JPH2: variants seen among roughly 807,000 people sequenced by gnomAD.
The protein encoded by JPH2 is junctophilin 2, also known as junctophilin-2.
A neutral mutation model predicts 55.9 loss-of-function variants in JPH2; 38 were observed. The observed-to-expected ratio is 0.68, with a 90% CI of 0.52 to 0.89. JPH2 has a LOEUF of 0.89. Ranked by LOEUF, JPH2 falls within the 40% of genes least tolerant of loss-of-function variation. JPH2 has a pLI of 0.00. For missense variants in JPH2, 964 were observed against 1,037.6 expected, an observed-to-expected ratio of 0.93 and a Z score of 0.97; for synonymous variants, 480 against 472.4, an observed-to-expected ratio of 1.02 and a Z score of -0.21.
intron 2 of JPH2, among the ~76,000 whole-genome samples, chr20:44,143,246 G>C (rs759990896): frequency 1.4e-4 from 21 of 152,144 alleles, no homozygotes; most frequent in Non-Finnish European, 3.1e-4. Flanking sequence ...GGACTTGGGG[G>C]CCAAAGGAAG....
rs1040325203 is a variant in JPH2, at chr20:44,108,426, T to G, written c.*5092A>C. On this transcript the variant is annotated 3_prime_UTR_variant, in exon 6 of 6. Transcript: ENST00000372980. The stretch of plus-strand genomic sequence containing the variant: ...CCCCCTTGTTTGTAGCCAGTCAGTA[T>G]GAACTGATGGTGGCCCTGGAGATCC... Among the ~76,000 whole-genome samples the G allele has an allele frequency of 2.0e-5, 3 of 152,112 alleles. No homozygotes were observed. Among genetic ancestry groups the G allele is most frequent in the Admixed American group, 1.3e-4 (2 of 15,256 alleles).
chr20:44,165,971 T>G (rs2072653334), intron 1 of JPH2, among the ~76,000 whole-genome samples: 1 of 152,174 alleles, frequency 6.6e-6, no homozygotes, highest in African/African-American at 2.4e-5. Flanking sequence ...CTTTTTCTTG[T>G]GTTATTGACC....
chr20:44,179,247 A>C lies in JPH2; in HGVS notation c.379+7080T>G, dbSNP rs115698782. On this transcript the variant is annotated intron_variant, in intron 1 of 5. Coordinates refer to ENST00000372980, the MANE Select transcript of JPH2 (RefSeq NM_020433.5). Reference sequence around the variant, plus strand: ...GAAAATAGCAAGCATTGCACCTAGGAAGGGAAATCTTGTTCCATGACGGTT... The same window carrying C: ...GAAAATAGCAAGCATTGCACCTAGGCAGGGAAATCTTGTTCCATGACGGTT... Among the ~76,000 whole-genome samples, 223 of 152,328 alleles carry C rather than the reference A, an allele frequency of 1.5e-3. 2 individuals carry two copies. Among genetic ancestry groups the C allele is most frequent in the African/African-American group, 5.0e-3 (209 of 41,574 alleles).
At chr20:44,119,873 CAAAAAAAA>C (rs56808570) in intron 2 of JPH2, among the ~76,000 whole-genome samples, 3 of 121,466 alleles carry the variant, frequency 2.5e-5, no homozygotes, top group African/African-American at 3.1e-5. Flanking sequence ...GACTCCATCT[CAAAAAAAA>C]AAAAAAAAAA....
chr20:44,159,728 G>A lies in JPH2; in HGVS notation c.1059C>T (p.Arg353=). The part of the protein sequence containing the change: ...HNVLVKDTKR[R]MLQLKSNKVR... ...CCTTGTTGCTCTTGAGCTGCAGCAT[G>A]CGGCGCTTGGTGTCCTTGACCAGCA... Residue 353 remains arginine, a synonymous_variant, in exon 2 of 6, where the codon CGC becomes CGT. Transcript: ENST00000372980. The surrounding 1 kb of genome is among the most constrained non-coding windows in gnomAD (Gnocchi z 5.7). 6.2e-7 allele frequency: 1 copy of A among 1,613,684 alleles called. No homozygotes were observed. The highest frequency in any genetic ancestry group is 8.5e-7 in the Non-Finnish European group (1 of 1,179,978).
chr20:44,138,473 G>C (rs1263901706), intron 2 of JPH2, among the ~76,000 whole-genome samples: 3 of 152,108 alleles, frequency 2.0e-5, no homozygotes, highest in Non-Finnish European at 2.9e-5. Context: ...CAACTTCCTG[G>C]GCTCAAGCTA....
chr20:44,116,451 G>A (rs2072193732), intron 3 of JPH2, 65 bp from the exon 4 acceptor site: 2 of 1,527,612 alleles, frequency 1.3e-6, no homozygotes, highest in Non-Finnish European at 1.8e-6. Flanking sequence ...TCCTGGGCCA[G>A]CCACTTCACC....
chr20:44,148,415 C>T (rs2072507393), intron 2 of JPH2, among the ~76,000 whole-genome samples: 1 of 152,126 alleles, frequency 6.6e-6, no homozygotes, highest in Non-Finnish European at 1.5e-5. Context: ...ACTCCCGTTC[C>T]AGTGCTCCTT....
chr20:44,163,152 ATT>A (rs2072627843), intron 1 of JPH2, among the ~76,000 whole-genome samples: 1 of 151,856 alleles, frequency 6.6e-6, no homozygotes, highest in Non-Finnish European at 1.5e-5. Context: ...GATCTTTTCT[ATT>A]TTGTTCTTGG....
At chr20:44,144,150 T>C (rs2072477622) in intron 2 of JPH2, among the ~76,000 whole-genome samples, 1 of 152,170 alleles carries the variant, frequency 6.6e-6, no homozygotes, top group South Asian at 2.1e-4. Flanking sequence ...GGGCTTTATT[T>C]TTAACTCCAC....
chr20:44,160,109 C>G lies in JPH2; in HGVS notation c.678G>C (p.Leu226=), dbSNP rs1414276112. The change falls in exon 2 of 6, where the codon CTG becomes CTC. Residue 226 remains leucine, a synonymous_variant. Coordinates refer to ENST00000372980, the MANE Select transcript of JPH2 (RefSeq NM_020433.5). This position sits in a 1 kb window ranked among gnomAD's most constrained non-coding sequence, Gnocchi z 4.9. Reference sequence around the variant, plus strand: ...ACTCTGCGCGCCGCAGCTTGCCCAGCAGCGCGCCCCGCTGGAAGAGGCCGC... The same window carrying G: ...ACTCTGCGCGCCGCAGCTTGCCCAGGAGCGCGCCCCGCTGGAAGAGGCCGC... ...KGGGLFQRGA[L]LGKLRRAESR... The G allele has an allele frequency of 1.3e-6, 2 of 1,520,486 alleles. No homozygotes were observed. Among genetic ancestry groups the G allele is most frequent in the Admixed American group, 2.0e-5 (1 of 49,544 alleles). The allele number at this position is 1,520,486 out of a possible 1,614,324, so 94.2% of individuals were successfully genotyped here.
rs370935576 is a variant in JPH2, at chr20:44,186,458, T to C, written c.248A>G (p.Lys83Arg). Residue 83 changes from lysine to arginine, a missense_variant, in exon 1 of 6, where the codon AAG (lysine) becomes AGG (arginine). Lys to Arg is a conservative substitution (Grantham distance 26). Coordinates refer to ENST00000372980, the MANE Select transcript of JPH2 (RefSeq NM_020433.5). The stretch of plus-strand genomic sequence containing the variant: ...CTTGAAGCCATGTGTCCACTCGCCC[T>C]TGTAGAGCCAGCGCCCCTTGGTCTC... ...GIETKGRWLY[K>R]GEWTHGFKGR... The C allele has an allele frequency of 1.9e-6, 3 of 1,613,930 alleles. No homozygotes were observed. In the African/African-American group the frequency reaches 4.0e-5, roughly 22 times the overall value.
At chr20:44,177,667 C>T (rs1271141809) in intron 1 of JPH2, 5 of 1,238,362 alleles carry the variant, frequency 4.0e-6, no homozygotes, top group Admixed American at 3.5e-5. Flanking sequence ...ATTCTACATT[C>T]GAAATGGAAT....
At chr20:44,155,689 A>C (rs1325303923) in intron 2 of JPH2, among the ~76,000 whole-genome samples, 6 of 152,180 alleles carry the variant, frequency 3.9e-5, no homozygotes, top group Non-Finnish European at 8.8e-5. Context: ...TAAGAAACAT[A>C]TCAGACAAAC....
At chr20:44,179,756 T>A (rs2072765163) in intron 1 of JPH2, among the ~76,000 whole-genome samples, 1 of 152,230 alleles carries the variant, frequency 6.6e-6, no homozygotes. Flanking sequence ...AAAATACTTA[T>A]TTATATTACA....
intron 1 of JPH2, among the ~76,000 whole-genome samples, chr20:44,166,043 T>C (rs1252375547): frequency 1.3e-5 from 2 of 152,240 alleles, no homozygotes; most frequent in Admixed American, 1.3e-4. Context: ...TTTTGTTCAC[T>C]GTGGTATCCT....
At chr20:44,153,491 C>T (rs2072544961) in intron 2 of JPH2, among the ~76,000 whole-genome samples, 1 of 152,216 alleles carries the variant, frequency 6.6e-6, no homozygotes, top group Non-Finnish European at 1.5e-5. Flanking sequence ...AAAACCAACT[C>T]TAAGCTATGA....
intron 1 of JPH2, among the ~76,000 whole-genome samples, chr20:44,182,082 T>A (rs1282200576): frequency 6.6e-6 from 1 of 152,152 alleles, no homozygotes; most frequent in Admixed American, 6.5e-5. Flanking sequence ...TTAGGATAGG[T>A]CCATTTTATA....
intron 2 of JPH2, among the ~76,000 whole-genome samples, chr20:44,131,624 G>A (rs1035446282): frequency 4.6e-5 from 7 of 152,164 alleles, no homozygotes; most frequent in Admixed American, 6.5e-5. Flanking sequence ...AAGCACTATC[G>A]AAGGGTTAGC....
Sources: allele counts gnomAD v4.1 joint callset (sites outside exome capture counted in the v4.1 genomes callset), GRCh38; gene constraint gnomAD v4.1.1; non-coding constraint Gnocchi (gnomAD v3.1); transcripts MANE v1.5; gene names NCBI Gene and HGNC (gene_info 2026-07-23, HGNC 2026-07-21).